Variants in HECW1 observed in about 807,000 individuals in gnomAD.
HECW1 encodes E3 ubiquitin-protein ligase HECW1.
A neutral mutation model predicts 182.3 loss-of-function variants in HECW1; 61 were observed. The observed-to-expected ratio is 0.33, with a 90% CI of 0.27 to 0.41. HECW1 has a LOEUF of 0.41. Ranked by LOEUF, HECW1 falls within the 10% of genes least tolerant of loss-of-function variation. The probability of loss-of-function intolerance (pLI) is 1.00; values close to 1 mark genes in which losing one functional copy is unlikely to be tolerated. For missense variants in HECW1, 1,739 were observed against 2,108.9 expected, an observed-to-expected ratio of 0.82 and a Z score of 3.44; for synonymous variants, 859 against 832.6, an observed-to-expected ratio of 1.03 and a Z score of -0.55.
intron 3 of HECW1, among the ~76,000 whole-genome samples, chr7:43,280,637 G>A (rs185320619): frequency 1.3e-5 from 2 of 152,288 alleles, no homozygotes; most frequent in South Asian, 2.1e-4. Context: ...ATGAGTACTC[G>A]TGATAATCCC....
At chr7:43,366,250 C>T (rs1363249956) in intron 6 of HECW1, among the ~76,000 whole-genome samples, 1 of 152,130 alleles carries the variant, frequency 6.6e-6, no homozygotes, top group Non-Finnish European at 1.5e-5. Flanking sequence ...GACATTTCCA[C>T]ACCAATATAG....
intron 2 of HECW1, among the ~76,000 whole-genome samples, chr7:43,134,673 T>TGCA (rs1409160621): frequency 6.6e-6 from 1 of 151,946 alleles, no homozygotes; most frequent in East Asian, 1.9e-4. Context: ...GCTGGGCTTC[T>TGCA]GCAGGTTTTT....
chr7:43,181,609 A>G (rs926244255), intron 2 of HECW1, among the ~76,000 whole-genome samples: 3 of 150,692 alleles, frequency 2.0e-5, no homozygotes, highest in Admixed American at 6.6e-5. Flanking sequence ...ATTTTTTTAC[A>G]TACTTGTTGA....
At chr7:43,403,384 G>A (rs561931826) in intron 7 of HECW1, among the ~76,000 whole-genome samples, 1 of 152,176 alleles carries the variant, frequency 6.6e-6, no homozygotes, top group Admixed American at 6.5e-5. Flanking sequence ...TGGTATGGTA[G>A]ATAGATGCTG....
At chr7:43,546,465 TAG>T (rs2081566873) in intron 26 of HECW1, among the ~76,000 whole-genome samples, 1 of 151,984 alleles carries the variant, frequency 6.6e-6, no homozygotes, top group African/African-American at 2.4e-5. Flanking sequence ...ATCCTTTCCA[TAG>T]AGTGTCATGT....
chr7:43,425,680 A>G (rs953210079), intron 8 of HECW1, among the ~76,000 whole-genome samples: 12 of 152,204 alleles, frequency 7.9e-5, no homozygotes, highest in Middle Eastern at 3.2e-3. Context: ...AACATAGTAG[A>G]AAGACAGAAG....
At chr7:43,321,060 A>G (rs1293311378) in intron 5 of HECW1, among the ~76,000 whole-genome samples, 1 of 152,140 alleles carries the variant, frequency 6.6e-6, no homozygotes, top group Admixed American at 6.5e-5. Flanking sequence ...CTCCGGGGGC[A>G]TCTCCAATGT....
intron 24 of HECW1, among the ~76,000 whole-genome samples, chr7:43,524,497 G>A (rs1320804552): frequency 1.3e-5 from 2 of 152,164 alleles, no homozygotes; most frequent in Non-Finnish European, 2.9e-5. Flanking sequence ...TAAGGAAAGA[G>A]GGGTATCTTT....
intron 2 of HECW1, among the ~76,000 whole-genome samples, chr7:43,168,152 T>A (rs1791314890): frequency 6.6e-6 from 1 of 152,262 alleles, no homozygotes; most frequent in African/African-American, 2.4e-5. Context: ...GTTTCACTTT[T>A]GCATGATGTC....
chr7:43,317,584 A>G (rs538897937), intron 4 of HECW1, among the ~76,000 whole-genome samples: 2 of 152,338 alleles, frequency 1.3e-5, no homozygotes, highest in South Asian at 4.1e-4. Flanking sequence ...ATTCCTAAGC[A>G]AAGACTAGTA....
intron 3 of HECW1, among the ~76,000 whole-genome samples, chr7:43,301,654 C>T (rs1425929472): frequency 6.6e-6 from 1 of 152,112 alleles, no homozygotes; most frequent in Non-Finnish European, 1.5e-5. Flanking sequence ...AGGTGGATCA[C>T]TTGAGGTCAG....
At chr7:43,552,106 A>G in intron 27 of HECW1, 116 bp from the exon 28 acceptor site, 1 of 668,242 alleles carries the variant, frequency 1.5e-6, no homozygotes. Flanking sequence ...TTACAGACTC[A>G]AAAAAAGTAT....
intron 3 of HECW1, among the ~76,000 whole-genome samples, chr7:43,275,714 A>G: frequency 6.6e-6 from 1 of 151,934 alleles, no homozygotes; most frequent in East Asian, 1.9e-4. Flanking sequence ...GCACGCACAC[A>G]CACACACACA....
chr7:43,250,354 A>G (rs1220503432), intron 3 of HECW1, among the ~76,000 whole-genome samples: 1 of 152,184 alleles, frequency 6.6e-6, no homozygotes, highest in Non-Finnish European at 1.5e-5. Context: ...TGGACCAGTC[A>G]TTCCTTTTCA....
chr7:43,292,194 T>C (rs1215493484), intron 3 of HECW1, among the ~76,000 whole-genome samples: 1 of 152,238 alleles, frequency 6.6e-6, no homozygotes, highest in African/African-American at 2.4e-5. Flanking sequence ...TGGGGTGGCA[T>C]ATTCTGGTCT....
chr7:43,561,554 A>G lies in HECW1; in HGVS notation c.4710-261A>G, dbSNP rs79492572. 6.5e-3 allele frequency among the ~76,000 whole-genome samples: 983 copies of G among 152,324 alleles called. 17 individuals are homozygous for G. The highest frequency in any genetic ancestry group is 0.022 in the African/African-American group (933 of 41,574). ...TCAGGCTGATACCATAGAGTTTATAATCAGTTTGCTAGTGTCATTCTAGTG... is the reference window on the plus strand; with the variant it reads ...TCAGGCTGATACCATAGAGTTTATAGTCAGTTTGCTAGTGTCATTCTAGTG... On this transcript the variant is annotated intron_variant, in intron 29 of 29. Transcript: ENST00000395891.
At chr7:43,323,992 C>T (rs1286345981) in intron 5 of HECW1, among the ~76,000 whole-genome samples, 2 of 152,060 alleles carry the variant, frequency 1.3e-5, no homozygotes, top group Non-Finnish European at 2.9e-5. Flanking sequence ...CGAGATCGCA[C>T]CATTGCACTC....
chr7:43,370,629 T>A lies in HECW1; in HGVS notation c.555+9649T>A, dbSNP rs550061895. 4.6e-5 allele frequency among the ~76,000 whole-genome samples: 7 copies of A among 152,132 alleles called. No individual in the cohort carries two copies. The South Asian group carries it at 1.5e-3, about 32-fold the overall frequency. ...AGATGTCCTTTAGCAGGCAAGCAGA[T>A]AAATTGTGCTACATCCAAACAATGG... On this transcript the variant is annotated intron_variant, in intron 6 of 29. Transcript: ENST00000395891.
intron 3 of HECW1, among the ~76,000 whole-genome samples, chr7:43,259,690 A>G (rs116794508): frequency 0.014 from 2,073 of 152,330 alleles, 50 homozygotes; most frequent in African/African-American, 0.047. Context: ...TAATGGATTG[A>G]ATAGGCTTAA....
Sources: gnomAD v4.1 joint callset for allele counts (sites outside exome capture counted in the v4.1 genomes callset) on GRCh38, gnomAD v4.1.1 for gene constraint, MANE v1.5 for transcripts, NCBI Gene and HGNC (gene_info 2026-07-23, HGNC 2026-07-21) for gene names.